RAB37: variants seen among roughly 807,000 people sequenced by gnomAD.
RAB37 encodes the protein ras-related protein Rab-37.
A neutral mutation model predicts 33.1 loss-of-function variants in RAB37; 29 were observed. That is an observed-to-expected ratio of 0.88 (90% confidence interval 0.65 to 1.20). The LOEUF is 1.20. Among genes scored for constraint, RAB37 ranks in the 50% most tolerant of loss-of-function variants. The pLI is 0.00. For missense variants in RAB37, 299 were observed against 301.1 expected (o/e 0.99, Z 0.05); for synonymous variants, 128 against 119.5 (o/e 1.07, Z -0.47).
chr17:74,682,209 T>C (rs1273252307), intron 1 of RAB37, among the ~76,000 whole-genome samples: 1 of 152,150 alleles, frequency 6.6e-6, no homozygotes, highest in African/African-American at 2.4e-5. Flanking sequence ...CCAACTCAAA[T>C]TGGCTTAAGC....
At chr17:74,679,571 T>C (rs1423089563) in intron 1 of RAB37, among the ~76,000 whole-genome samples, 6 of 152,196 alleles carry the variant, frequency 3.9e-5, no homozygotes, top group Non-Finnish European at 8.8e-5. Flanking sequence ...CTGCAGCACT[T>C]TACAGTTTGC....
At position 74,744,450 on chromosome 17, in the gene RAB37, A is replaced by G. The variant is rs777755792; in HGVS notation, c.432+77A>G. On this transcript the variant is annotated intron_variant, in intron 6 of 8. Coordinates refer to ENST00000392613, the MANE Select transcript of RAB37 (RefSeq NM_001006638.3). This position sits in a 1 kb window ranked among gnomAD's most constrained non-coding sequence, Gnocchi z 4.2. ...GCCGGCCCCATAACCACCCAAGAAC[A>G]GTTATCTAGGCATCCTTCCTGAAAA... The G allele has an allele frequency of 7.3e-7, 1 of 1,367,866 alleles. No individual in the cohort carries two copies. The highest frequency in any genetic ancestry group is 1.0e-6 in the Non-Finnish European group (1 of 957,318). The allele number at this position is 1,367,866 out of a possible 1,614,324, so 84.7% of individuals were successfully genotyped here. A position where few individuals can be genotyped will look rare whatever the true frequency, so the allele number is the denominator to read the frequency against.
intron 1 of RAB37, among the ~76,000 whole-genome samples, chr17:74,719,032 T>C (rs2034205008): frequency 6.6e-6 from 1 of 152,204 alleles, no homozygotes. Context: ...TCCCTGTATC[T>C]TCTGCCCAGT....
intron 1 of RAB37, among the ~76,000 whole-genome samples, chr17:74,710,043 A>G (rs1446443811): frequency 6.6e-6 from 1 of 152,148 alleles, no homozygotes; most frequent in Non-Finnish European, 1.5e-5. Flanking sequence ...CAGTGGCTCA[A>G]TCTCGGCTCA....
At chr17:74,700,427 C>T (rs1415187533) in intron 1 of RAB37, among the ~76,000 whole-genome samples, 1 of 152,104 alleles carries the variant, frequency 6.6e-6, no homozygotes, top group Non-Finnish European at 1.5e-5. Flanking sequence ...CTCACTTTCT[C>T]ACCTCTTCCA....
At chr17:74,709,963 T>A (rs1259564602) in intron 1 of RAB37, among the ~76,000 whole-genome samples, 1 of 152,084 alleles carries the variant, frequency 6.6e-6, no homozygotes, top group Admixed American at 6.6e-5. Flanking sequence ...AATAACATGA[T>A]TCTGGAAGTT....
intron 1 of RAB37, among the ~76,000 whole-genome samples, chr17:74,740,531 TA>T (rs1409362359): frequency 6.6e-6 from 1 of 152,104 alleles, no homozygotes; most frequent in Non-Finnish European, 1.5e-5. Context: ...CTCCGGCCTC[TA>T]GGAACTTGAA....
At chr17:74,710,704 CGA>C (rs780529290) in intron 1 of RAB37, among the ~76,000 whole-genome samples, 244 of 139,600 alleles carry the variant, frequency 1.7e-3, no homozygotes, top group African/African-American at 4.8e-3. Flanking sequence ...ACTAAAAATA[CGA>C]AAAAAAAAAA....
chr17:74,734,903 GAGGAAGGA>G (rs558514478), upstream of RAB37, among the ~76,000 whole-genome samples: 18 of 146,504 alleles, frequency 1.2e-4, no homozygotes, highest in African/African-American at 3.8e-4. Context: ...GAAAGAGAGA[GAGGAAGGA>G]AGGAAGGAAG....
At chr17:74,703,622 G>A (rs776387431) in intron 1 of RAB37, among the ~76,000 whole-genome samples, 5 of 152,182 alleles carry the variant, frequency 3.3e-5, no homozygotes, top group Non-Finnish European at 5.9e-5. Flanking sequence ...TCAATGATGG[G>A]GATGCCCCCT....
chr17:74,684,029 T>C (rs1334040269), intron 1 of RAB37, among the ~76,000 whole-genome samples: 1 of 152,134 alleles, frequency 6.6e-6, no homozygotes, highest in African/African-American at 2.4e-5. Flanking sequence ...CTGAGCATTG[T>C]GCTGAAAAAA....
chr17:74,685,408 G>C (rs555200001), intron 1 of RAB37, among the ~76,000 whole-genome samples: 1 of 152,062 alleles, frequency 6.6e-6, no homozygotes, highest in South Asian at 2.1e-4. Context: ...GGCTGGTCTC[G>C]ATCTCATGAC....
At chr17:74,682,532 A>T (rs1017416138) in intron 1 of RAB37, among the ~76,000 whole-genome samples, 14 of 152,240 alleles carry the variant, frequency 9.2e-5, no homozygotes, top group African/African-American at 3.4e-4. Flanking sequence ...AGGGTAGAAC[A>T]TGATGGACGG....
intron 2 of RAB37, among the ~76,000 whole-genome samples, chr17:74,741,728 G>A (rs2144078414): frequency 6.6e-6 from 1 of 152,308 alleles, no homozygotes; most frequent in East Asian, 1.9e-4. Flanking sequence ...GTTCAATAGA[G>A]AAAAGGTCTC....
chr17:74,743,604 G>A (rs2034676012), intron 5 of RAB37, among the ~76,000 whole-genome samples: 1 of 152,144 alleles, frequency 6.6e-6, no homozygotes, highest in Non-Finnish European at 1.5e-5. Flanking sequence ...GTGACAAAGT[G>A]TTCAGAACAG....
At chr17:74,716,007 T>A (rs1486663631) in intron 1 of RAB37, among the ~76,000 whole-genome samples, 1 of 152,134 alleles carries the variant, frequency 6.6e-6, no homozygotes, top group Non-Finnish European at 1.5e-5. Flanking sequence ...TCCTCCAGCC[T>A]GGGTAACTGA....
At chr17:74,705,218 C>A (rs754229995) in intron 1 of RAB37, 2 of 702,474 alleles carry the variant, frequency 2.8e-6, no homozygotes, top group East Asian at 2.7e-5. Context: ...ACTCTTAGCA[C>A]TGATGACCCT....
intron 1 of RAB37, among the ~76,000 whole-genome samples, chr17:74,705,668 C>T (rs2033446647): frequency 1.3e-5 from 2 of 152,090 alleles, no homozygotes; most frequent in Admixed American, 1.3e-4. Flanking sequence ...AATCATGGCT[C>T]ACTGAAGCCT....
At chr17:74,740,643 G>A in intron 1 of RAB37, 125 bp from the exon 2 acceptor site, 3 of 715,766 alleles carry the variant, frequency 4.2e-6, no homozygotes, top group Admixed American at 2.0e-5. Context: ...GGAAGCAGGT[G>A]GCCTTTGGTG....
Sources: gnomAD v4.1 joint callset for allele counts (sites outside exome capture counted in the v4.1 genomes callset) on GRCh38, gnomAD v4.1.1 for gene constraint, Gnocchi (gnomAD v3.1) non-coding constraint, MANE v1.5 for transcripts, NCBI Gene and HGNC (gene_info 2026-07-23, HGNC 2026-07-21) for gene names.